Variants in SPDYE21 observed in about 807,000 individuals in gnomAD.
SPDYE21 encodes speedy/RINGO cell cycle regulator family member E21, also known as speedy protein E21.
SPDYE21 carries 14 observed loss-of-function variants against 36.2 expected under a neutral mutation model. The observed-to-expected ratio is 0.39, with a 90% confidence interval of 0.26 to 0.61. SPDYE21 has a LOEUF of 0.61. Ranked by LOEUF, SPDYE21 falls within the 20% of genes least tolerant of loss-of-function variation. SPDYE21 has a pLI of 0.55. For missense variants in SPDYE21, 233 were observed against 424.6 expected (o/e 0.55, Z 3.97); for synonymous variants, 58 against 155.1 (o/e 0.37, Z 4.65).
rs1292804975 is a variant in SPDYE21, at chr7:67,281,096, CAACAAAAAAAAA to C, written c.380-275_380-264del. ...GACTGTTTCGCAACAACAACAACAACAACAAAAAAAAAAAAAAAAAAAAAAAAAGGGACTCAG... is the reference window on the plus strand; with the variant it reads ...GACTGTTTCGCAACAACAACAACAACAAAAAAAAAAAAAAAAGGGACTCAG... On this transcript the variant is annotated intron_variant, in intron 3 of 8. Coordinates refer to ENST00000424157, the MANE Select transcript of SPDYE21 (RefSeq NM_001382715.2). 2.4e-4 allele frequency among the ~76,000 whole-genome samples: 15 copies of C among 63,566 alleles called. No homozygotes were observed. The East Asian group carries it at 9.5e-3, about 40-fold the overall frequency. The allele number at this position is 63,566 out of a possible 152,430, so 41.7% of individuals were successfully genotyped here. A position where few individuals can be genotyped will look rare whatever the true frequency, so the allele number is the denominator to read the frequency against.
chr7:67,283,649 G>C (rs1172255215), intron 5 of SPDYE21, among the ~76,000 whole-genome samples: 1 of 151,996 alleles, frequency 6.6e-6, no homozygotes, highest in Non-Finnish European at 1.5e-5. Flanking sequence ...GACACCAGCC[G>C]ACCCAGACAC....
Position 67,279,964 on chromosome 7 carries a change from A to C in SPDYE21, c.307A>C (p.Lys103Gln). Residue 103 changes from lysine to glutamine, a missense_variant, in exon 3 of 9, where the codon AAG (lysine) becomes CAG (glutamine). Lys to Gln is a moderately conservative substitution (Grantham distance 53). Transcript: ENST00000424157. ...GGTAGTGGAGACGCTGTGTGGGCTT[A>C]AGATGAAGCTGAAGCAACAGCGAGT... ...TWVVETLCGL[K>Q]MKLKQQRVSP... is the part of the protein sequence containing the mutation. 1.9e-6 allele frequency: 3 copies of C among 1,571,362 alleles called. No individual in the cohort carries two copies. The highest frequency in any genetic ancestry group is 2.6e-6 in the Non-Finnish European group (3 of 1,164,572).
In SPDYE21 at chr7:67,282,616, A is replaced by T. The variant is rs1802659100; in HGVS notation, c.611-19A>T. The T allele has an allele frequency of 1.1e-5, 17 of 1,576,202 alleles. No homozygotes were observed. Among genetic ancestry groups the T allele is most frequent in the African/African-American group, 1.4e-5 (1 of 73,580 alleles). On this transcript the variant is annotated intron_variant, in intron 4 of 8. Transcript: ENST00000424157. ...ACCCTGTCCTGCTTCTCACACTGAC[A>T]TCTGCTCTCTAATCACAGAGGATCC...
Position 67,287,665 on chromosome 7 carries a change from C to T in SPDYE21, c.*193C>T, listed in dbSNP as rs1327022945. On this transcript the variant is annotated 3_prime_UTR_variant, in exon 9 of 9. Transcript: ENST00000424157. Reference sequence around the variant, plus strand: ...TTGATGGAGCTGAATACAGTGATCACGTGTCCTCCTGGGAGCAGGGGTTGG... The same window carrying T: ...TTGATGGAGCTGAATACAGTGATCATGTGTCCTCCTGGGAGCAGGGGTTGG... 2.5e-4 allele frequency among the ~76,000 whole-genome samples: 29 copies of T among 114,722 alleles called. No homozygotes were observed. Among genetic ancestry groups the T allele is most frequent in the African/African-American group, 7.8e-4 (23 of 29,366 alleles). The allele number at this position is 114,722 out of a possible 152,430, so 75.3% of individuals were successfully genotyped here.
intron 6 of SPDYE21, among the ~76,000 whole-genome samples, chr7:67,284,530 AC>A (rs1431187786): frequency 1.3e-4 from 18 of 142,654 alleles, no homozygotes; most frequent in African/African-American, 4.7e-4. Context: ...GGAACCATAA[AC>A]CGCTCCTAAG....
At chr7:67,286,846 G>A (rs1584750100) in intron 8 of SPDYE21, among the ~76,000 whole-genome samples, 182 bp downstream of exon 8, 1 of 152,278 alleles carries the variant, frequency 6.6e-6, no homozygotes, top group East Asian at 1.9e-4. Context: ...TCAGGAGGCT[G>A]AGGCGGGAGG....
At chr7:67,280,522 C>T (rs1216734628) in intron 3 of SPDYE21, among the ~76,000 whole-genome samples, 3 of 150,430 alleles carry the variant, frequency 2.0e-5, no homozygotes, top group Non-Finnish European at 4.4e-5. Flanking sequence ...ACCAATATAG[C>T]GAAACCTCAT....
rs572706467 is a variant in SPDYE21, at chr7:67,285,601, G to A, written c.756-443G>A. Among the ~76,000 whole-genome samples the A allele has an allele frequency of 1.4e-4, 22 of 151,996 alleles. 1 individual carries two copies. In the South Asian group the frequency reaches 2.3e-3, roughly 16 times the overall value. ...GATGGGGTTTCTCCGTGTTGACCAG[G>A]CTGGTCTCCAACTCCTGGTCTCAAG... On this transcript the variant is annotated intron_variant, in intron 6 of 8. Transcript: ENST00000424157.
At position 67,278,323 on chromosome 7, in the gene SPDYE21, G is replaced by A. The variant is rs763098054; in HGVS notation, c.-391G>A. Reference sequence around the variant, plus strand: ...CTCTGAAATGGGCATGTACAGAGACGAAGAGACCCCAACATGCTTCAGGCT... The same window carrying A: ...CTCTGAAATGGGCATGTACAGAGACAAAGAGACCCCAACATGCTTCAGGCT... On this transcript the variant is annotated 5_prime_UTR_variant, in exon 2 of 9. Transcript: ENST00000424157. 0.09 allele frequency among the ~76,000 whole-genome samples: 9,986 copies of A among 110,558 alleles called. 401 individuals are homozygous for A. Among genetic ancestry groups the A allele is most frequent in the African/African-American group, 0.14 (3,797 of 28,078 alleles). 72.5% of individuals were successfully genotyped at this position (110,558 alleles called of 152,430 possible).
At chr7:67,282,076 T>G (rs1284345194) in intron 4 of SPDYE21, among the ~76,000 whole-genome samples, 1 of 152,120 alleles carries the variant, frequency 6.6e-6, no homozygotes, top group East Asian at 1.9e-4. Flanking sequence ...GAGGTTGCAG[T>G]GAGCCAAGAT....
intron 8 of SPDYE21, among the ~76,000 whole-genome samples, 138 bp downstream of exon 8, chr7:67,286,802 A>G (rs2116515890): frequency 6.6e-6 from 1 of 152,304 alleles, no homozygotes; most frequent in Admixed American, 6.5e-5. Context: ...AAAATTAGCC[A>G]GGCGATGTGG....
chr7:67,286,864 G>A (rs760414111), intron 8 of SPDYE21, among the ~76,000 whole-genome samples, 200 bp downstream of exon 8: 9 of 151,886 alleles, frequency 5.9e-5, no homozygotes, highest in Non-Finnish European at 1.3e-4. Flanking sequence ...AGGATTGCTG[G>A]AGCCTGGAAG....
chr7:67,281,108 A>C (rs1175891635), intron 3 of SPDYE21, among the ~76,000 whole-genome samples: 12 of 138,676 alleles, frequency 8.7e-5, no homozygotes, highest in Middle Eastern at 8.0e-3. Context: ...ACAAAAAAAA[A>C]AAAAAAAAAA....
chr7:67,282,727 C>T (rs1220797391), intron 5 of SPDYE21, 34 bp downstream of exon 5: 8 of 1,061,776 alleles, frequency 7.5e-6, no homozygotes, highest in Non-Finnish European at 1.0e-5. Context: ...GTTCCTGTTC[C>T]AACACATGGC....
Position 67,279,723 on chromosome 7 carries a change from G to A in SPDYE21, c.161-95G>A, listed in dbSNP as rs202025993. ...CTTAGAGAAGCCAGCAGTCTGCGAG[G>A]CTGGGGAGGATGGAGAGTGGTTTGG... On this transcript the variant is annotated intron_variant, in intron 2 of 8. Coordinates refer to ENST00000424157, the MANE Select transcript of SPDYE21 (RefSeq NM_001382715.2). The A allele has an allele frequency of 4.5e-6, 7 of 1,562,838 alleles. No individual in the cohort carries two copies. In the South Asian group the frequency reaches 4.5e-5, roughly 10 times the overall value.
In SPDYE21 at chr7:67,282,546, C is replaced by A. The variant is rs1294587322; in HGVS notation, c.611-89C>A. ...ACCCGCGGCCACAATCCTGAGACTT[C>A]CCCCCGGGAGGCACACTTCTCGCTG... is the stretch of plus-strand genomic sequence containing the variant. On this transcript the variant is annotated intron_variant, in intron 4 of 8. Transcript: ENST00000424157. The A allele has an allele frequency of 7.6e-6, 12 of 1,575,654 alleles. No individual in the cohort carries two copies. In the East Asian group the frequency reaches 1.4e-4, roughly 18 times the overall value.
intron 5 of SPDYE21, among the ~76,000 whole-genome samples, chr7:67,282,911 A>G (rs1218616746): frequency 2.3e-5 from 3 of 131,720 alleles, no homozygotes; most frequent in Non-Finnish European, 4.8e-5. Context: ...GGTTCAAGCG[A>G]TTCTCCTGCC....
intron 4 of SPDYE21, among the ~76,000 whole-genome samples, chr7:67,282,079 G>A (rs1159482343): frequency 6.6e-6 from 1 of 152,154 alleles, no homozygotes; most frequent in Non-Finnish European, 1.5e-5. Context: ...GTTGCAGTGA[G>A]CCAAGATCAG....
chr7:67,288,869 A>G lies in SPDYE21; in HGVS notation c.*1397A>G, dbSNP rs1013626985. Among the ~76,000 whole-genome samples, 13 of 150,838 alleles carry G rather than the reference A, an allele frequency of 8.6e-5. No homozygotes were observed. Among genetic ancestry groups the G allele is most frequent in the Admixed American group, 8.0e-4 (12 of 14,932 alleles). ...ATGTAATTTTTTACCTTGTTTTGGC[A>G]TGTTTGTATATTACTTTAAAGAGGA... On this transcript the variant is annotated 3_prime_UTR_variant, in exon 9 of 9. Transcript: ENST00000424157.
Sources: gnomAD v4.1 joint callset for allele counts (sites outside exome capture counted in the v4.1 genomes callset) on GRCh38, gnomAD v4.1.1 for gene constraint, MANE v1.5 for transcripts, NCBI Gene and HGNC (gene_info 2026-07-23, HGNC 2026-07-21) for gene names.